Variants in HCN1 observed in about 807,000 individuals in gnomAD.
HCN1 encodes the protein potassium/sodium hyperpolarization-activated cyclic nucleotide-gated channel 1.
Under a neutral mutation model 78.9 loss-of-function variants are expected in HCN1, and 13 were observed. The ratio of observed to expected loss-of-function variants is 0.16; its 90% CI spans 0.11 to 0.26. The LOEUF (loss-of-function observed/expected upper bound fraction) is 0.26. Among genes scored for constraint, HCN1 ranks in the 10% least tolerant of loss-of-function variants. HCN1 has a pLI of 1.00. For missense variants in HCN1, 810 were observed against 1,154.3 expected, an observed-to-expected ratio of 0.70 and a Z score of 4.32; for synonymous variants, 552 against 455.5, an observed-to-expected ratio of 1.21 and a Z score of -2.70.
chr5:45,280,926 G>T (rs1397686056), intron 6 of HCN1, among the ~76,000 whole-genome samples: 1 of 151,608 alleles, frequency 6.6e-6, no homozygotes, highest in African/African-American at 2.4e-5. Context: ...TTCCATTCAA[G>T]TGTCAGGTAA....
intron 2 of HCN1, among the ~76,000 whole-genome samples, chr5:45,579,601 A>G (rs1220000577): frequency 6.6e-6 from 1 of 152,146 alleles, no homozygotes; most frequent in Non-Finnish European, 1.5e-5. Flanking sequence ...AAAAAAGTGA[A>G]TAAGTGCTGA....
chr5:45,679,072 T>C (rs557044722), intron 1 of HCN1, among the ~76,000 whole-genome samples: 1 of 152,106 alleles, frequency 6.6e-6, no homozygotes, highest in South Asian at 2.1e-4. Flanking sequence ...TTTAAAAGTC[T>C]GAGAAAATGA....
chr5:45,552,116 A>T (rs1263141560), intron 2 of HCN1, among the ~76,000 whole-genome samples: 1 of 151,924 alleles, frequency 6.6e-6, no homozygotes, highest in East Asian at 1.9e-4. Flanking sequence ...ATTCATCCTC[A>T]AATTTTGCAT....
intron 3 of HCN1, among the ~76,000 whole-genome samples, chr5:45,399,403 A>T (rs555793047): frequency 6.6e-6 from 1 of 152,350 alleles, no homozygotes; most frequent in East Asian, 1.9e-4. Context: ...ACAAAACATA[A>T]GTTCAAAGAT....
chr5:45,654,624 G>A (rs1317347541), intron 1 of HCN1, among the ~76,000 whole-genome samples: 1 of 152,070 alleles, frequency 6.6e-6, no homozygotes, highest in East Asian at 1.9e-4. Context: ...GAAGGACAAA[G>A]AGAATACTGA....
intron 1 of HCN1, among the ~76,000 whole-genome samples, chr5:45,671,808 TTTAAA>T (rs1746157141): frequency 6.6e-6 from 1 of 151,640 alleles, no homozygotes; most frequent in African/African-American, 2.4e-5. Context: ...TTACCACTAA[TTTAAA>T]TTGAGTTAGG....
intron 3 of HCN1, among the ~76,000 whole-genome samples, chr5:45,408,980 C>G (rs1012261007): frequency 6.6e-6 from 1 of 151,954 alleles, no homozygotes; most frequent in Non-Finnish European, 1.5e-5. Context: ...GTTATCAGAT[C>G]ATAAAATTTA....
intron 3 of HCN1, among the ~76,000 whole-genome samples, chr5:45,442,370 A>C (rs1243625198): frequency 1.3e-5 from 2 of 152,102 alleles, no homozygotes; most frequent in Non-Finnish European, 2.9e-5. Flanking sequence ...AACCATAAGA[A>C]CATACGAAAT....
chr5:45,546,727 A>G (rs536535130), intron 2 of HCN1, among the ~76,000 whole-genome samples: 4 of 151,866 alleles, frequency 2.6e-5, no homozygotes, highest in African/African-American at 7.2e-5. Context: ...TATGGCTTCA[A>G]TGTTGTTTAT....
chr5:45,575,468 T>G (rs1743920543), intron 2 of HCN1: 1 of 152,046 alleles, frequency 6.6e-6, no homozygotes, highest in South Asian at 2.1e-4. Flanking sequence ...GAGATGTACC[T>G]AATGCTAAAT....
chr5:45,263,740 C>A (rs1176052439), intron 7 of HCN1, among the ~76,000 whole-genome samples: 1 of 152,028 alleles, frequency 6.6e-6, no homozygotes. Context: ...AGTTTAAAAG[C>A]AAATTTCCCC....
chr5:45,338,411 T>C (rs992339524), intron 5 of HCN1, among the ~76,000 whole-genome samples: 12 of 152,154 alleles, frequency 7.9e-5, no homozygotes, highest in African/African-American at 2.9e-4. Flanking sequence ...TAAGATAACA[T>C]GTTGTTGACA....
chr5:45,470,471 T>C (rs749542127), intron 2 of HCN1, among the ~76,000 whole-genome samples: 97 of 151,888 alleles, frequency 6.4e-4, no homozygotes, highest in Admixed American at 8.6e-4. Context: ...CAAGAAACAA[T>C]TGAGTAAGAC....
intron 1 of HCN1, among the ~76,000 whole-genome samples, chr5:45,674,601 C>T (rs16902212): frequency 1.7e-3 from 259 of 151,904 alleles, no homozygotes; most frequent in African/African-American, 5.6e-3. Flanking sequence ...CTACAACTTA[C>T]ACTTAATTTA....
chr5:45,419,692 C>T (rs888102159), intron 3 of HCN1, among the ~76,000 whole-genome samples: 7 of 152,142 alleles, frequency 4.6e-5, no homozygotes. Flanking sequence ...GAAAATGTGA[C>T]CAGTACTGGG....
intron 4 of HCN1, among the ~76,000 whole-genome samples, chr5:45,374,000 ATT>A (rs559089943): frequency 1.8e-5 from 2 of 109,010 alleles, no homozygotes; most frequent in East Asian, 2.3e-4. Context: ...TATAATATAT[ATT>A]ATATACATAA....
At chr5:45,545,678 T>C (rs1458250514) in intron 2 of HCN1, among the ~76,000 whole-genome samples, 43 of 152,308 alleles carry the variant, frequency 2.8e-4, no homozygotes, top group African/African-American at 2.4e-5. Context: ...CTAGCCAGTT[T>C]TCCCAGCACC....
At chr5:45,635,466 G>T (rs1296156789) in intron 2 of HCN1, among the ~76,000 whole-genome samples, 1 of 152,016 alleles carries the variant, frequency 6.6e-6, no homozygotes, top group Non-Finnish European at 1.5e-5. Flanking sequence ...TATCAAAATA[G>T]CTACCATTCC....
At chr5:45,519,678 A>G (rs1742577422) in intron 2 of HCN1, among the ~76,000 whole-genome samples, 1 of 151,986 alleles carries the variant, frequency 6.6e-6, no homozygotes, top group Admixed American at 6.6e-5. Flanking sequence ...ATAGCATGAG[A>G]TTTTGAGTCT....
Sources: allele counts gnomAD v4.1 joint callset (sites outside exome capture counted in the v4.1 genomes callset), GRCh38; gene constraint gnomAD v4.1.1; transcripts MANE v1.5; gene names NCBI Gene and HGNC (gene_info 2026-07-23, HGNC 2026-07-21).